The following ATG7 variants were observed in gnomAD, a reference collection of about 807,000 sequenced individuals.
ATG7 encodes the protein ubiquitin-like modifier-activating enzyme ATG7.
ATG7 carries 70 observed loss-of-function variants against 82.4 expected under a neutral mutation model. That is an observed-to-expected ratio of 0.85 (90% CI 0.70 to 1.04). ATG7 has a LOEUF of 1.04. Among genes scored for constraint, ATG7 ranks in the 50% least tolerant of loss-of-function variants. The pLI, the probability that ATG7 is intolerant of heterozygous loss-of-function variation, is 0.00. For synonymous variants in ATG7, 287 were observed against 313.0 expected (o/e 0.92, Z 0.88); for missense variants, 792 against 864.3 (o/e 0.92, Z 1.05).
intron 20 of ATG7, chr3:11,488,602 A>G (rs987377898): frequency 6.9e-5 from 35 of 510,550 alleles, no homozygotes; most frequent in African/African-American, 6.6e-4. Context: ...TAAGCCACCG[A>G]CCCCAGCCCG....
intron 19 of ATG7, among the ~76,000 whole-genome samples, chr3:11,401,586 G>A (rs546771700): frequency 7.2e-5 from 11 of 152,264 alleles, no homozygotes; most frequent in African/African-American, 2.6e-4. Context: ...TTTTAACTTA[G>A]GGGTTTTTTA....
At chr3:11,550,471 A>G (rs2071673639) in intron 20 of ATG7, among the ~76,000 whole-genome samples, 1 of 152,134 alleles carries the variant, frequency 6.6e-6, no homozygotes, top group Admixed American at 6.5e-5. Context: ...GTGCAGTCAC[A>G]GCTCACTGCG....
chr3:11,569,000 A>C, the ATG7 span: 1 of 1,027,346 alleles, frequency 9.7e-7, no homozygotes, highest in East Asian at 7.8e-5. The surrounding 1 kb of genome is among the most constrained non-coding windows in gnomAD (Gnocchi z 5.9). Context: ...ACCATCATCC[A>C]GGACAGAGCT....
At position 11,380,816 on chromosome 3, in the gene ATG7, C is replaced by G. The variant is rs114350997; in HGVS notation, c.1956+764C>G. On this transcript the variant is annotated intron_variant, in intron 19 of 20. Coordinates refer to ENST00000693202, the MANE Select transcript of ATG7 (RefSeq NM_001349232.2). ...AAATAATGTTGGTGACCACTAATCC[C>G]CAACTGTGGCTTCTCAGTTACAATT... 6.6e-3 allele frequency among the ~76,000 whole-genome samples: 1,002 copies of G among 152,242 alleles called. 5 individuals carry two copies. Among genetic ancestry groups the G allele is most frequent in the Non-Finnish European group, 0.01 (695 of 68,016 alleles).
intron 19 of ATG7, among the ~76,000 whole-genome samples, chr3:11,403,413 T>C (rs1029539194): frequency 3.9e-5 from 6 of 151,936 alleles, no homozygotes; most frequent in Non-Finnish European, 8.8e-5. Flanking sequence ...ATGTCTAAAA[T>C]GGTAATTGTT....
intron 20 of ATG7, among the ~76,000 whole-genome samples, chr3:11,542,292 TC>T: frequency 6.8e-6 from 1 of 147,862 alleles, no homozygotes; most frequent in Middle Eastern, 3.5e-3. Context: ...TTTAGCGACA[TC>T]CCCAGAGGGA....
chr3:11,311,272 T>G (rs1948618493), intron 7 of ATG7, among the ~76,000 whole-genome samples: 1 of 152,088 alleles, frequency 6.6e-6, no homozygotes, highest in African/African-American at 2.4e-5. Flanking sequence ...ATGCAAGCTT[T>G]TTGACTTTTG....
At chr3:11,289,704 C>T (rs1281814478) in intron 3 of ATG7, among the ~76,000 whole-genome samples, 3 of 152,128 alleles carry the variant, frequency 2.0e-5, no homozygotes, top group Non-Finnish European at 2.9e-5. Flanking sequence ...ACTACCGATG[C>T]GCCCTGCAAT....
At chr3:11,475,909 C>CACACTCACACACACACACA (rs1479988312) in intron 20 of ATG7, among the ~76,000 whole-genome samples, 10 of 104,698 alleles carry the variant, frequency 9.6e-5, no homozygotes, top group African/African-American at 3.2e-4. Context: ...ACACACACAC[C>CACACTCACACACACACACA]CCCTCCCAGA....
chr3:11,414,581 TG>T (rs1384926859), intron 19 of ATG7, among the ~76,000 whole-genome samples: 1 of 152,226 alleles, frequency 6.6e-6, no homozygotes, highest in African/African-American at 2.4e-5. Flanking sequence ...TCTATTATGA[TG>T]TTGAAAAGGA....
At position 11,485,643 on chromosome 3, in the gene ATG7, T is replaced by G. The variant is rs184097772; in HGVS notation, c.2079+58717T>G. Among the ~76,000 whole-genome samples, 536 of 152,330 alleles carry G rather than the reference T, an allele frequency of 3.5e-3. 2 individuals carry two copies. Among genetic ancestry groups the G allele is most frequent in the African/African-American group, 0.012 (513 of 41,586 alleles). ...TGCCTATGTCCTGAATGGTAATGCC[T>G]AGGTTTTCTTCTAGGGTTTTTATGG... On this transcript the variant is annotated intron_variant, in intron 20 of 20. Transcript: ENST00000693202.
At chr3:11,297,612 G>A (rs988408284) in intron 3 of ATG7, among the ~76,000 whole-genome samples, 2 of 152,054 alleles carry the variant, frequency 1.3e-5, no homozygotes. Flanking sequence ...TTCGAAGGGG[G>A]AAATGAAATA....
intron 9 of ATG7, among the ~76,000 whole-genome samples, chr3:11,319,481 C>CT (rs1393978970): frequency 6.6e-5 from 10 of 152,198 alleles, no homozygotes; most frequent in Admixed American, 4.6e-4. Flanking sequence ...TGGAATCCCT[C>CT]TGAGTTTCTC....
chr3:11,534,077 T>TC (rs951707010), intron 20 of ATG7, among the ~76,000 whole-genome samples: 83 of 151,012 alleles, frequency 5.5e-4, no homozygotes, highest in Admixed American at 1.7e-3. Context: ...AGCCTCCTCC[T>TC]CCCCCCCCAG....
downstream of ATG7, among the ~76,000 whole-genome samples, chr3:11,561,922 CAA>C (rs1189519329): frequency 3.1e-5 from 3 of 97,208 alleles, no homozygotes; most frequent in African/African-American, 1.2e-4. Context: ...TTTTTAAAGA[CAA>C]AGTCTCACTC....
At chr3:11,334,490 C>T (rs1208293782) in intron 11 of ATG7, among the ~76,000 whole-genome samples, 1 of 151,732 alleles carries the variant, frequency 6.6e-6, no homozygotes, top group Non-Finnish European at 1.5e-5. Flanking sequence ...GTGATCCACC[C>T]ACCTTGGCCT....
intron 20 of ATG7, among the ~76,000 whole-genome samples, chr3:11,521,359 C>T (rs1255520810): frequency 2.0e-5 from 3 of 152,052 alleles, no homozygotes; most frequent in Middle Eastern, 3.2e-3. Flanking sequence ...GGTGACCTCA[C>T]CTGGACTCAT....
At chr3:11,510,920 G>A (rs568905704) in intron 20 of ATG7, among the ~76,000 whole-genome samples, 2 of 152,294 alleles carry the variant, frequency 1.3e-5, no homozygotes, top group Non-Finnish European at 2.9e-5. Context: ...CTTCAAGAAT[G>A]AAGCCGCGGA....
intron 20 of ATG7, among the ~76,000 whole-genome samples, chr3:11,484,728 G>A (rs1436534184): frequency 1.3e-5 from 2 of 152,122 alleles, no homozygotes; most frequent in South Asian, 2.1e-4. Flanking sequence ...AGAGTGTGAT[G>A]TTCCCCTTCC....
Sources: allele counts gnomAD v4.1 joint callset (sites outside exome capture counted in the v4.1 genomes callset), GRCh38; gene constraint gnomAD v4.1.1; non-coding constraint Gnocchi (gnomAD v3.1); transcripts MANE v1.5; gene names NCBI Gene and HGNC (gene_info 2026-07-23, HGNC 2026-07-21).